The following SKOR1 variants were observed in gnomAD, a reference collection of about 807,000 sequenced individuals.
SKOR1 encodes the protein SKI family transcriptional corepressor 1.
A neutral mutation model predicts 72.4 loss-of-function variants in SKOR1; 38 were observed. The observed-to-expected ratio is 0.52, with a 90% CI of 0.40 to 0.69. The LOEUF (loss-of-function observed/expected upper bound fraction) is 0.69, where lower values mean the gene tolerates loss of function less well. Among genes scored for constraint, SKOR1 ranks in the 30% least tolerant of loss-of-function variants. The pLI is 0.00. For missense variants in SKOR1, 1,320 were observed against 1,343.2 expected, an observed-to-expected ratio of 0.98 and a Z score of 0.27; for synonymous variants, 642 against 599.4, an observed-to-expected ratio of 1.07 and a Z score of -1.04.
chr15:67,832,580 C>T lies in SKOR1; in HGVS notation c.2663-27C>T. On this transcript the variant is annotated intron_variant, in intron 6 of 8. Coordinates refer to ENST00000380035, the MANE Select transcript of SKOR1 (RefSeq NM_001365915.1). The surrounding 1 kb of genome is among the most constrained non-coding windows in gnomAD (Gnocchi z 4.5). ...AGCCGGGAGAGGGGGCTGTGCGTAACAGCTCTCACTTAATCAATTTGCACA... is the reference window on the plus strand; with the variant it reads ...AGCCGGGAGAGGGGGCTGTGCGTAATAGCTCTCACTTAATCAATTTGCACA... The T allele has an allele frequency of 6.2e-7, 1 of 1,604,034 alleles. No homozygotes were observed. Among genetic ancestry groups the T allele is most frequent in the South Asian group, 1.1e-5 (1 of 90,774 alleles).
chr15:67,833,397 A>C lies in SKOR1; in HGVS notation c.2803+140A>C. 1.1e-6 allele frequency: 1 copy of C among 926,768 alleles called. No homozygotes were observed. Among genetic ancestry groups the C allele is most frequent in the South Asian group, 1.4e-5 (1 of 71,528 alleles). 57.4% of individuals were successfully genotyped at this position (926,768 alleles called of 1,614,324 possible). ...CTGTGAGGGAGAAAAGTGGGAACTG[A>C]TTTTAACGGGAAGATTATTCTAGGA... On this transcript the variant is annotated intron_variant, in intron 8 of 8. Transcript: ENST00000380035. The surrounding 1 kb of genome is among the most constrained non-coding windows in gnomAD (Gnocchi z 6.0).
chr15:67,828,275 C>G (rs886893181), intron 2 of SKOR1, 131 bp downstream of exon 2: 1 of 1,336,100 alleles, frequency 7.5e-7, no homozygotes. Flanking sequence ...GGCCACTCTC[C>G]GCAGGCCCAG....
chr15:67,826,858 C>T lies in SKOR1; in HGVS notation c.1030C>T (p.Pro344Ser), dbSNP rs1289825158. The change falls in exon 2 of 9, where the codon CCG (proline) becomes TCG (serine). Residue 344 changes from proline to serine, a missense_variant. Coordinates refer to ENST00000380035, the MANE Select transcript of SKOR1 (RefSeq NM_001365915.1). ...AGPPGPPPPH[P>S]QRGLGLATGA... ...GCCTCCGGGGCCACCTCCACCCCAC[C>T]CGCAGCGCGGACTTGGCCTGGCGAC... 5 of 1,529,672 alleles carry T rather than the reference C, an allele frequency of 3.3e-6. No homozygotes were observed. Among genetic ancestry groups the T allele is most frequent in the Non-Finnish European group, 4.4e-6 (5 of 1,142,030 alleles). The allele number at this position is 1,529,672 out of a possible 1,614,324, so 94.8% of individuals were successfully genotyped here.
Position 67,827,024 on chromosome 15 carries a change from T to G in SKOR1, c.1196T>G (p.Phe399Cys). 1 of 1,590,688 alleles carries G rather than the reference T, an allele frequency of 6.3e-7. No homozygotes were observed. The highest frequency in any genetic ancestry group is 8.5e-7 in the Non-Finnish European group (1 of 1,176,404). Residue 399 changes from phenylalanine to cysteine, a missense_variant, in exon 2 of 9, where the codon TTC becomes TGC. This residue lies in a region of SKOR1 where 1,099 missense variants were observed against 1,025.5 expected (regional missense o/e 1.07). Coordinates refer to ENST00000380035, the MANE Select transcript of SKOR1 (RefSeq NM_001365915.1). ...PPPLFPHPYGFPTAFGLCPKK... is the reference protein window; with the variant it reads ...PPPLFPHPYGCPTAFGLCPKK... ...CCACTTTTCCCCCATCCTTACGGCT[T>G]CCCTACGGCCTTCGGCCTATGCCCC...
Position 67,825,825 on chromosome 15 carries a change from C to T in SKOR1, c.108-111C>T, listed in dbSNP as rs2090954021. The T allele has an allele frequency of 6.5e-7, 1 of 1,526,904 alleles. No homozygotes were observed. Among genetic ancestry groups the T allele is most frequent in the African/African-American group, 1.4e-5 (1 of 72,468 alleles). 94.6% of individuals were successfully genotyped at this position (1,526,904 alleles called of 1,614,324 possible). Reference sequence around the variant, plus strand: ...GGGGTGAATGAGTTTGGACTCCCCACTGCCAAGTATCCCCCGCGCGCCCAA... The same window carrying T: ...GGGGTGAATGAGTTTGGACTCCCCATTGCCAAGTATCCCCCGCGCGCCCAA... On this transcript the variant is annotated intron_variant, in intron 1 of 8. Coordinates refer to ENST00000380035, the MANE Select transcript of SKOR1 (RefSeq NM_001365915.1). The surrounding 1 kb of genome is among the most constrained non-coding windows in gnomAD (Gnocchi z 5.6).
In SKOR1 at chr15:67,832,532, G is replaced by A. The variant is rs1320446286; in HGVS notation, c.2663-75G>A. 3.5e-6 allele frequency: 5 copies of A among 1,436,672 alleles called. No individual in the cohort carries two copies. Among genetic ancestry groups the A allele is most frequent in the South Asian group, 1.2e-5 (1 of 85,530 alleles). The allele number at this position is 1,436,672 out of a possible 1,614,324, so 89.0% of individuals were successfully genotyped here. On this transcript the variant is annotated intron_variant, in intron 6 of 8. Coordinates refer to ENST00000380035, the MANE Select transcript of SKOR1 (RefSeq NM_001365915.1). The surrounding 1 kb of genome is among the most constrained non-coding windows in gnomAD (Gnocchi z 4.5). ...GGGAGTTGGGGGTAGGGGTGAAAGG[G>A]GGGGCCAGGAGTGAGAAAGTGGAGC...
At chr15:67,829,729 T>C (rs1208077956) in intron 3 of SKOR1, among the ~76,000 whole-genome samples, 1 of 152,112 alleles carries the variant, frequency 6.6e-6, no homozygotes, top group East Asian at 1.9e-4. Flanking sequence ...TTGCGCGCCT[T>C]ACCAGGTTCC....
chr15:67,825,882 T>G lies in SKOR1; in HGVS notation c.108-54T>G, dbSNP rs377153819. The G allele has an allele frequency of 8.7e-5, 132 of 1,509,302 alleles. No individual in the cohort carries two copies. In the African/African-American group the frequency reaches 1.8e-3, roughly 21 times the overall value. 93.5% of individuals were successfully genotyped at this position (1,509,302 alleles called of 1,614,324 possible). A position where few individuals can be genotyped will look rare whatever the true frequency, so the allele number is the denominator to read the frequency against. On this transcript the variant is annotated intron_variant, in intron 1 of 8. Coordinates refer to ENST00000380035, the MANE Select transcript of SKOR1 (RefSeq NM_001365915.1). This position sits in a 1 kb window ranked among gnomAD's most constrained non-coding sequence, Gnocchi z 5.6. ...GCGCCCTGCTGGGCGGGCCCGAGCC[T>G]CGGCGGCGGCGCTGAAAATGGCTCA... is the stretch of plus-strand genomic sequence containing the variant.
In SKOR1 at chr15:67,827,486, G is replaced by T. The variant is rs1421169462; in HGVS notation, c.1658G>T (p.Cys553Phe). The T allele has an allele frequency of 2.0e-6, 3 of 1,521,764 alleles. No individual in the cohort carries two copies. The highest frequency in any genetic ancestry group is 2.6e-6 in the Non-Finnish European group (3 of 1,141,978). The allele number at this position is 1,521,764 out of a possible 1,614,324, so 94.3% of individuals were successfully genotyped here. A position where few individuals can be genotyped will look rare whatever the true frequency, so the allele number is the denominator to read the frequency against. Reference protein sequence around the residue: ...KESGLGAEERCPSALSRGPLD... With the variant: ...KESGLGAEERFPSALSRGPLD... ...AGTGGCCTCGGCGCGGAGGAGCGCT[G>T]CCCGAGCGCTCTGTCCCGCGGGCCC... Residue 553 changes from cysteine to phenylalanine, a missense_variant, in exon 2 of 9, where the codon TGC (cysteine) becomes TTC (phenylalanine). Physicochemically the swap from Cys to Phe is radical, Grantham distance 205 (BLOSUM62 -2). This residue lies in a region of SKOR1 where 1,099 missense variants were observed against 1,025.5 expected (regional missense o/e 1.07). Transcript: ENST00000380035.
rs1325394812 is a variant in SKOR1, at chr15:67,827,491, A to G, written c.1663A>G (p.Ser555Gly). 2.6e-6 allele frequency: 4 copies of G among 1,521,676 alleles called. No homozygotes were observed. Among genetic ancestry groups the G allele is most frequent in the Non-Finnish European group, 3.5e-6 (4 of 1,141,904 alleles). 94.3% of individuals were successfully genotyped at this position (1,521,676 alleles called of 1,614,324 possible). ...SGLGAEERCPSALSRGPLDED... is the reference protein window; with the variant it reads ...SGLGAEERCPGALSRGPLDED... ...CCTCGGCGCGGAGGAGCGCTGCCCG[A>G]GCGCTCTGTCCCGCGGGCCCCTGGA... The change falls in exon 2 of 9, where the codon AGC becomes GGC. Residue 555 changes from serine (S) to glycine (G), a missense_variant. This residue lies in a region of SKOR1 where 1,099 missense variants were observed against 1,025.5 expected (regional missense o/e 1.07). Coordinates refer to ENST00000380035, the MANE Select transcript of SKOR1 (RefSeq NM_001365915.1).
Position 67,829,167 on chromosome 15 carries a change from C to T in SKOR1, c.2317-12C>T, listed in dbSNP as rs1205638084. On this transcript the variant is annotated splice_polypyrimidine_tract_variant and intron_variant, in intron 2 of 8. Coordinates refer to ENST00000380035, the MANE Select transcript of SKOR1 (RefSeq NM_001365915.1). ...GCCACCCTAATCGCCTGTCATTTCT[C>T]GGCCGTCGCAGGTGTTCGCGCCCGA... 4 of 1,536,206 alleles carry T rather than the reference C, an allele frequency of 2.6e-6. No individual in the cohort carries two copies. Among genetic ancestry groups the T allele is most frequent in the Non-Finnish European group, 3.5e-6 (4 of 1,145,148 alleles).
intron 5 of SKOR1, among the ~76,000 whole-genome samples, chr15:67,831,910 G>A (rs1422977209): frequency 6.8e-6 from 1 of 147,382 alleles, no homozygotes; most frequent in Non-Finnish European, 1.5e-5. Context: ...GTGCGGGGGG[G>A]GGAGGTCGGG....
At position 67,825,595 on chromosome 15, in the gene SKOR1, A is replaced by T; in HGVS notation, c.-8A>T. 1.4e-6 allele frequency: 1 copy of T among 724,858 alleles called. No individual in the cohort carries two copies. The allele number at this position is 724,858 out of a possible 1,614,324, so 44.9% of individuals were successfully genotyped here. Reference sequence around the variant, plus strand: ...GGATCTGGGCGCTGAAAAAGCCAGGATTTGGCAATGGCTTTGCTGTGTGGC... The same window carrying T: ...GGATCTGGGCGCTGAAAAAGCCAGGTTTTGGCAATGGCTTTGCTGTGTGGC... On this transcript the variant is annotated 5_prime_UTR_variant, in exon 1 of 9. Transcript: ENST00000380035. The surrounding 1 kb of genome is among the most constrained non-coding windows in gnomAD (Gnocchi z 5.6).
intron 2 of SKOR1, among the ~76,000 whole-genome samples, chr15:67,828,675 GC>G (rs2090985055): frequency 6.6e-6 from 1 of 152,176 alleles, no homozygotes; most frequent in East Asian, 1.9e-4. Context: ...AGGGTTCGTT[GC>G]TGGGAAGCTG....
chr15:67,829,502 C>CA (rs1420481384), intron 3 of SKOR1, among the ~76,000 whole-genome samples: 2 of 152,266 alleles, frequency 1.3e-5, no homozygotes, highest in Non-Finnish European at 2.9e-5. Context: ...ACACATGCTG[C>CA]AGTACACCCA....
In SKOR1 at chr15:67,833,688, G is replaced by T; in HGVS notation, c.2804-54G>T. On this transcript the variant is annotated intron_variant, in intron 8 of 8. Transcript: ENST00000380035. This position sits in a 1 kb window ranked among gnomAD's most constrained non-coding sequence, Gnocchi z 6.0. ...GGGGAGGGGAAAGGGTGGACTGCGC[G>T]GTGAGGTGAGCCTGGAGAGGCGCCC... 2 of 1,561,636 alleles carry T rather than the reference G, an allele frequency of 1.3e-6. No homozygotes were observed. Among genetic ancestry groups the T allele is most frequent in the Non-Finnish European group, 1.8e-6 (2 of 1,133,968 alleles).
rs747735400 is a variant in SKOR1, at chr15:67,827,384, C to T, written c.1556C>T (p.Ala519Val). The T allele has an allele frequency of 1.3e-6, 2 of 1,548,412 alleles. No individual in the cohort carries two copies. Among genetic ancestry groups the T allele is most frequent in the South Asian group, 2.3e-5 (2 of 85,930 alleles). The change falls in exon 2 of 9, where the codon GCG (alanine) becomes GTG (valine). Residue 519 changes from alanine (A) to valine (V), a missense_variant. Coordinates refer to ENST00000380035, the MANE Select transcript of SKOR1 (RefSeq NM_001365915.1). ...AAGGCCGTGGCGGCAGCCGTGGCGG[C>T]GGCAGCGGCGGCGGCAGCGGCAGCT... ...QAKAVAAAVA[A>V]AAAAAAAAAG...
At chr15:67,829,105 C>G in intron 2 of SKOR1, 74 bp from the exon 3 acceptor site, 5 of 1,347,498 alleles carry the variant, frequency 3.7e-6, no homozygotes, top group Non-Finnish European at 4.9e-6. Flanking sequence ...CTCTTGGCCG[C>G]GGGGTAGGGC....
chr15:67,829,091 T>C, intron 2 of SKOR1, 88 bp from the exon 3 acceptor site: 1 of 1,263,600 alleles, frequency 7.9e-7, no homozygotes. Context: ...TCCGTCGGCT[T>C]TCCCTCTTGG....
Sources: allele counts gnomAD v4.1 joint callset (sites outside exome capture counted in the v4.1 genomes callset), GRCh38; gene constraint gnomAD v4.1.1; regional missense constraint gnomAD v4.1.1; non-coding constraint Gnocchi (gnomAD v3.1); transcripts MANE v1.5; gene names NCBI Gene and HGNC (gene_info 2026-07-23, HGNC 2026-07-21).